The following SNX9 variants were observed in gnomAD, a reference collection of about 807,000 sequenced individuals.
SNX9 encodes sorting nexin 9.
A neutral mutation model predicts 89.4 loss-of-function variants in SNX9; 44 were observed. The ratio of observed to expected loss-of-function variants is 0.49; its 90% CI spans 0.39 to 0.63. The LOEUF (loss-of-function observed/expected upper bound fraction) is 0.63. Among genes scored for constraint, SNX9 ranks in the 30% least tolerant of loss-of-function variants. The probability of loss-of-function intolerance (pLI) is 0.00; values close to 1 mark genes in which losing one functional copy is unlikely to be tolerated. For missense variants in SNX9, 578 were observed against 736.1 expected (o/e 0.79, Z 2.49); for synonymous variants, 236 against 247.8 (o/e 0.95, Z 0.45).
chr6:157,835,444 G>C (rs1316766002), intron 1 of SNX9, among the ~76,000 whole-genome samples: 1 of 116,994 alleles, frequency 8.5e-6, no homozygotes, highest in Non-Finnish European at 1.7e-5. Flanking sequence ...ATAGAGTCTT[G>C]CTCTGTTGCC....
rs538966579 is a variant in SNX9, at chr6:157,842,419, A to G, written c.12+18973A>G. On this transcript the variant is annotated intron_variant, in intron 1 of 17. Coordinates refer to ENST00000392185, the MANE Select transcript of SNX9 (RefSeq NM_016224.5). ...CATGATGCAACTGCCCAATGGGTTCACCATCACCACTGCCTAGACAGAATC... is the reference window on the plus strand; with the variant it reads ...CATGATGCAACTGCCCAATGGGTTCGCCATCACCACTGCCTAGACAGAATC... Among the ~76,000 whole-genome samples, 13 of 152,330 alleles carry G rather than the reference A, an allele frequency of 8.5e-5. No individual in the cohort carries two copies. The East Asian group carries it at 2.3e-3, about 27-fold the overall frequency.
chr6:157,892,733 C>T, intron 4 of SNX9: 1 of 152,182 alleles, frequency 6.6e-6, no homozygotes, highest in East Asian at 1.9e-4. Flanking sequence ...TCCTTCCTGG[C>T]CAGTTTGCTA....
chr6:157,898,913 C>G (rs1783035988), intron 5 of SNX9, among the ~76,000 whole-genome samples: 1 of 152,192 alleles, frequency 6.6e-6, no homozygotes. Context: ...TGGGAGACTC[C>G]TGGGGTCTGG....
chr6:157,894,106 C>CTTT lies in SNX9; in HGVS notation c.301-2702_301-2700dup, dbSNP rs746909411. Among the ~76,000 whole-genome samples, 653 of 89,464 alleles carry CTTT rather than the reference C, an allele frequency of 7.3e-3. 29 individuals carry two copies. Among genetic ancestry groups the CTTT allele is most frequent in the Non-Finnish European group, 0.01 (472 of 45,648 alleles). The allele number at this position is 89,464 out of a possible 152,430, so 58.7% of individuals were successfully genotyped here. ...TTCTTTTTCTTTTCGCTTTTCTTTT[C>CTTT]TTTTTTTTTTTTTTTTTTTTTGAGA... is the stretch of plus-strand genomic sequence containing the variant. On this transcript the variant is annotated intron_variant, in intron 4 of 17. Transcript: ENST00000392185.
intron 9 of SNX9, among the ~76,000 whole-genome samples, chr6:157,911,167 G>T (rs1207645548): frequency 6.6e-6 from 1 of 152,100 alleles, no homozygotes; most frequent in Non-Finnish European, 1.5e-5. Context: ...CAGACTTAAA[G>T]GTTAGACAGA....
rs1485328689 is a variant in SNX9, at chr6:157,935,956, A to G, written c.1367-8A>G. The G allele has an allele frequency of 6.3e-7, 1 of 1,599,250 alleles. No individual in the cohort carries two copies. Among genetic ancestry groups the G allele is most frequent in the South Asian group, 1.1e-5 (1 of 87,408 alleles). ...CTTATAACCACTGATAAAATTGATC[A>G]TTTTCAGGTGAAACAGATCTCAATG... On this transcript the variant is annotated splice_region_variant and splice_polypyrimidine_tract_variant and intron_variant, in intron 13 of 17. Transcript: ENST00000392185.
intron 1 of SNX9, among the ~76,000 whole-genome samples, chr6:157,841,357 AT>A (rs1369711396): frequency 6.6e-6 from 1 of 152,206 alleles, no homozygotes; most frequent in African/African-American, 2.4e-5. Context: ...TACAGATTTT[AT>A]TACCTACAGG....
intron 1 of SNX9, among the ~76,000 whole-genome samples, chr6:157,834,218 A>C (rs1781535600): frequency 8.3e-6 from 1 of 120,446 alleles, no homozygotes; most frequent in Non-Finnish European, 1.6e-5. Flanking sequence ...GCCCAGGCTG[A>C]AGTGCAGTGG....
At chr6:157,912,102 T>C (rs1041850458) in intron 9 of SNX9, among the ~76,000 whole-genome samples, 1 of 152,226 alleles carries the variant, frequency 6.6e-6, no homozygotes, top group Non-Finnish European at 1.5e-5. Flanking sequence ...ACACTCCCTG[T>C]ACCTCCTTTT....
Position 157,936,057 on chromosome 6 carries a change from A to T in SNX9, c.1443+17A>T. On this transcript the variant is annotated intron_variant, in intron 14 of 17. Coordinates refer to ENST00000392185, the MANE Select transcript of SNX9 (RefSeq NM_016224.5). The stretch of plus-strand genomic sequence containing the variant: ...GCAGAACAGGTACTAACATAATCAC[A>T]CAATTCCAATTAAGATTTGTTGCTA... 6.3e-7 allele frequency: 1 copy of T among 1,596,504 alleles called. No individual in the cohort carries two copies. The highest frequency in any genetic ancestry group is 2.2e-5 in the East Asian group (1 of 44,626).
Position 157,823,478 on chromosome 6 carries a change from CGCTCAGGCCCGGGGCGGCGCGGAGAG to C in SNX9, c.12+34_12+59del. 8.5e-7 allele frequency: 1 copy of C among 1,183,258 alleles called. No individual in the cohort carries two copies. The highest frequency in any genetic ancestry group is 1.0e-6 in the Non-Finnish European group (1 of 959,238). 73.3% of individuals were successfully genotyped at this position (1,183,258 alleles called of 1,614,324 possible). On this transcript the variant is annotated intron_variant, in intron 1 of 17. Coordinates refer to ENST00000392185, the MANE Select transcript of SNX9 (RefSeq NM_016224.5). This position sits in a 1 kb window ranked among gnomAD's most constrained non-coding sequence, Gnocchi z 4.6. The stretch of plus-strand genomic sequence containing the variant: ...GGCGCGCGGCGCAGGCCGGGCCGGT[CGCTCAGGCCCGGGGCGGCGCGGAGAG>C]GGTCGGGGCCGGGGCCGCGGGGAGG...
At chr6:157,852,155 G>A (rs188781809) in intron 1 of SNX9, among the ~76,000 whole-genome samples, 156 of 152,250 alleles carry the variant, frequency 1.0e-3, no homozygotes, top group Middle Eastern at 3.4e-3. Context: ...TGGTAATTCC[G>A]TGTTTAACTT....
At chr6:157,865,283 G>A (rs1451736572) in intron 1 of SNX9, among the ~76,000 whole-genome samples, 1 of 149,472 alleles carries the variant, frequency 6.7e-6, no homozygotes, top group Non-Finnish European at 1.5e-5. Flanking sequence ...AGGTTGCAGT[G>A]AGCCCAAATG....
rs759352816 is a variant in SNX9, at chr6:157,906,142, C to G, written c.635C>G (p.Ala212Gly). ...KIPLNKFPGF[A>G]KPGTEQYLLA... is the part of the protein sequence containing the mutation. ...TTCATGATTAGATTTCCTGGATTTG[C>G]GAAACCTGGCACGGAACAGTATTTG... is the stretch of plus-strand genomic sequence containing the variant. The change falls in exon 7 of 18, where the codon GCG (alanine) becomes GGG (glycine). Residue 212 changes from alanine to glycine, a missense_variant. Ala to Gly is a moderately conservative substitution (Grantham distance 60). This residue lies in a region of SNX9 where 348 missense variants were observed against 491.4 expected (regional missense o/e 0.71). Coordinates refer to ENST00000392185, the MANE Select transcript of SNX9 (RefSeq NM_016224.5). 2.1e-5 allele frequency: 33 copies of G among 1,608,678 alleles called. No individual in the cohort carries two copies. The highest frequency in any genetic ancestry group is 2.6e-5 in the Non-Finnish European group (31 of 1,178,326).
chr6:157,892,651 T>C (rs572211801), intron 4 of SNX9: 3 of 152,312 alleles, frequency 2.0e-5, no homozygotes, highest in African/African-American at 7.2e-5. Context: ...CCTAATTAAA[T>C]GGATTTTAAT....
chr6:157,852,192 A>G (rs1324890285), intron 1 of SNX9, among the ~76,000 whole-genome samples: 4 of 152,170 alleles, frequency 2.6e-5, no homozygotes, highest in African/African-American at 7.2e-5. Context: ...ACTGTTTTCT[A>G]CCGTGGCTGT....
chr6:157,866,023 G>A (rs7760230), intron 1 of SNX9, among the ~76,000 whole-genome samples: 6,576 of 152,092 alleles, frequency 0.043, 463 homozygotes, highest in African/African-American at 0.15. Flanking sequence ...ACTTGAGGAA[G>A]ATAGTCTGTG....
At chr6:157,844,423 T>A (rs538363007) in intron 1 of SNX9, among the ~76,000 whole-genome samples, 2 of 142,998 alleles carry the variant, frequency 1.4e-5, no homozygotes, top group African/African-American at 5.8e-5. Context: ...CAAGATCAGA[T>A]GCCCAGTTTA....
chr6:157,943,790 A>T lies in SNX9; in HGVS notation c.*952A>T, dbSNP rs1583253517. 6.6e-6 allele frequency: 1 copy of T among 152,224 alleles called. No individual in the cohort carries two copies. The highest frequency in any genetic ancestry group is 2.4e-5 in the African/African-American group (1 of 41,414). The allele number at this position is 152,224 out of a possible 1,614,324, so 9.4% of individuals were successfully genotyped here. A position where few individuals can be genotyped will look rare whatever the true frequency, so the allele number is the denominator to read the frequency against. On this transcript the variant is annotated 3_prime_UTR_variant, in exon 18 of 18. Coordinates refer to ENST00000392185, the MANE Select transcript of SNX9 (RefSeq NM_016224.5). Reference sequence around the variant, plus strand: ...TTTCTTATTCTTTGGCTCCTCATCCACCGTGATGAGAAGCGCTGCTGTGGC... The same window carrying T: ...TTTCTTATTCTTTGGCTCCTCATCCTCCGTGATGAGAAGCGCTGCTGTGGC...
Sources: gnomAD v4.1 joint callset for allele counts (sites outside exome capture counted in the v4.1 genomes callset) on GRCh38, gnomAD v4.1.1 for gene constraint, gnomAD v4.1.1 regional missense constraint, Gnocchi (gnomAD v3.1) non-coding constraint, MANE v1.5 for transcripts, NCBI Gene and HGNC (gene_info 2026-07-23, HGNC 2026-07-21) for gene names.